The following MALRD1 variants were observed in gnomAD, a reference collection of about 807,000 sequenced individuals.
The protein encoded by MALRD1 is MAM and LDL-receptor class A domain-containing protein 1.
Under a neutral mutation model 242.1 loss-of-function variants are expected in MALRD1, and 247 were observed. The ratio of observed to expected loss-of-function variants is 1.02; its 90% CI spans 0.92 to 1.13. The LOEUF (loss-of-function observed/expected upper bound fraction) is 1.13, where lower values mean the gene tolerates loss of function less well. Among genes scored for constraint, MALRD1 ranks in the 50% most tolerant of loss-of-function variants. The pLI, the probability that MALRD1 is intolerant of heterozygous loss-of-function variation, is 0.00. For synonymous variants in MALRD1, 995 were observed against 866.6 expected (o/e 1.15, Z -2.60); for missense variants, 2,989 against 2,533.1 (o/e 1.18, Z -3.86).
At chr10:19,232,504 T>C (rs1838127365) in intron 18 of MALRD1, among the ~76,000 whole-genome samples, 1 of 152,024 alleles carries the variant, frequency 6.6e-6, no homozygotes, top group African/African-American at 2.4e-5. Context: ...ACTACTAACC[T>C]AAATTATTTT....
intron 33 of MALRD1, among the ~76,000 whole-genome samples, chr10:19,588,181 A>G (rs961618531): frequency 1.1e-4 from 16 of 152,220 alleles, no homozygotes; most frequent in East Asian, 9.7e-4. Context: ...CAATTTCTAT[A>G]TTGTTGATCT....
chr10:19,305,502 A>G (rs1310161556), intron 21 of MALRD1, among the ~76,000 whole-genome samples: 2 of 151,414 alleles, frequency 1.3e-5, no homozygotes, highest in East Asian at 3.9e-4. Context: ...AAAGCTAAAT[A>G]AAAGTATTGC....
chr10:19,357,496 T>C (rs1844690175), intron 26 of MALRD1, among the ~76,000 whole-genome samples: 2 of 152,200 alleles, frequency 1.3e-5, no homozygotes, highest in Admixed American at 6.5e-5. Flanking sequence ...ACGTTTCTTT[T>C]ATTTGCTTTG....
chr10:19,195,973 A>T (rs568857627), intron 14 of MALRD1, among the ~76,000 whole-genome samples: 1 of 152,144 alleles, frequency 6.6e-6, no homozygotes, highest in Non-Finnish European at 1.5e-5. Context: ...ATGATCTGAC[A>T]TACTATTTCA....
chr10:19,087,819 C>G (rs998601926), intron 2 of MALRD1, 21 bp from the exon 3 acceptor site: 3 of 1,190,510 alleles, frequency 2.5e-6, no homozygotes, highest in East Asian at 3.2e-5. Flanking sequence ...TTTTTTGTAC[C>G]CTGTCTCTTC....
At chr10:19,202,163 T>A (rs1422046794) in intron 14 of MALRD1, among the ~76,000 whole-genome samples, 1 of 152,126 alleles carries the variant, frequency 6.6e-6, no homozygotes, top group African/African-American at 2.4e-5. Flanking sequence ...TTCGCTTGTT[T>A]CTAATTGTCT....
Position 19,101,585 on chromosome 10 carries a change from G to A in MALRD1, c.598-2394G>A, listed in dbSNP as rs369659059. Among the ~76,000 whole-genome samples the A allele has an allele frequency of 1.3e-3, 175 of 131,698 alleles. 5 individuals carry two copies. The East Asian group carries it at 0.039, about 29-fold the overall frequency. The allele number at this position is 131,698 out of a possible 152,430, so 86.4% of individuals were successfully genotyped here. A position where few individuals can be genotyped will look rare whatever the true frequency, so the allele number is the denominator to read the frequency against. On this transcript the variant is annotated intron_variant, in intron 4 of 39. Transcript: ENST00000454679. ...ATGTATATTGTATTATATATAATCT[G>A]TATATATAATACATAATTTTATGTA...
At chr10:19,466,799 A>G (rs1836235928) in intron 29 of MALRD1, among the ~76,000 whole-genome samples, 1 of 152,164 alleles carries the variant, frequency 6.6e-6, no homozygotes, top group Non-Finnish European at 1.5e-5. Context: ...TGTTTCATAT[A>G]CATCTATGCA....
chr10:19,567,713 T>C lies in MALRD1; in HGVS notation c.5680+10T>C. Reference sequence around the variant, plus strand: ...GAGTGTGTGACTGGAGGTAAGTGATTCTTTCAGAAAATGGGAATAAGTATT... The same window carrying C: ...GAGTGTGTGACTGGAGGTAAGTGATCCTTTCAGAAAATGGGAATAAGTATT... On this transcript the variant is annotated intron_variant, in intron 33 of 39. Coordinates refer to ENST00000454679, the MANE Select transcript of MALRD1 (RefSeq NM_001142308.3). The C allele has an allele frequency of 6.5e-7, 1 of 1,548,176 alleles. No homozygotes were observed. The highest frequency in any genetic ancestry group is 2.0e-5 in the Admixed American group (1 of 50,970).
chr10:19,430,622 A>G (rs990170007), intron 28 of MALRD1, among the ~76,000 whole-genome samples: 1 of 152,036 alleles, frequency 6.6e-6, no homozygotes, highest in Non-Finnish European at 1.5e-5. Context: ...CTTGCCTTTT[A>G]TCTGTGAGCT....
chr10:19,457,431 C>A (rs1384829614), intron 29 of MALRD1, among the ~76,000 whole-genome samples: 1 of 152,048 alleles, frequency 6.6e-6, no homozygotes, highest in Admixed American at 6.6e-5. Context: ...CATCATTAAG[C>A]TGGTCCCCCA....
At chr10:19,171,457 T>TATATATACACACACAC (rs1166665866) in intron 13 of MALRD1, among the ~76,000 whole-genome samples, 2 of 74,556 alleles carry the variant, frequency 2.7e-5, no homozygotes, top group African/African-American at 8.4e-5. Context: ...TATATATATA[T>TATATATACACACACAC]ACACACATGT....
chr10:19,585,995 C>G (rs1243466264), intron 33 of MALRD1, among the ~76,000 whole-genome samples: 1 of 152,190 alleles, frequency 6.6e-6, no homozygotes, highest in East Asian at 1.9e-4. Flanking sequence ...ATCGCTGATA[C>G]CCTTTCTTCC....
intron 28 of MALRD1, among the ~76,000 whole-genome samples, chr10:19,410,545 T>G (rs927663958): frequency 6.6e-6 from 1 of 152,174 alleles, no homozygotes; most frequent in African/African-American, 2.4e-5. Context: ...CAGCTAAGTG[T>G]GAACATTGTG....
chr10:19,345,553 T>C (rs1844078787), intron 24 of MALRD1, among the ~76,000 whole-genome samples: 1 of 151,596 alleles, frequency 6.6e-6, no homozygotes, highest in Non-Finnish European at 1.5e-5. Flanking sequence ...TTATAGTCTA[T>C]TCTAGGAAAA....
At chr10:19,609,580 C>T (rs1435259662) in intron 35 of MALRD1, among the ~76,000 whole-genome samples, 1 of 152,028 alleles carries the variant, frequency 6.6e-6, no homozygotes, top group Non-Finnish European at 1.5e-5. Context: ...CACTATCTGG[C>T]CTCACCTACC....
intron 21 of MALRD1, among the ~76,000 whole-genome samples, chr10:19,285,220 G>A (rs1841047915): frequency 6.9e-6 from 1 of 144,072 alleles, no homozygotes; most frequent in South Asian, 2.3e-4. Context: ...CACTCTGATG[G>A]TAGTTTCTTT....
intron 26 of MALRD1, among the ~76,000 whole-genome samples, chr10:19,381,872 A>G (rs934158035): frequency 2.0e-5 from 3 of 151,946 alleles, no homozygotes; most frequent in Non-Finnish European, 2.9e-5. Context: ...ATTATCATTA[A>G]TATTATAGAA....
intron 19 of MALRD1, among the ~76,000 whole-genome samples, chr10:19,264,456 C>CTTTTTTTTTTTTTT (rs1261988988): frequency 9.0e-6 from 1 of 111,624 alleles, no homozygotes; most frequent in Non-Finnish European, 1.8e-5. Flanking sequence ...TTTTCTTTTT[C>CTTTTTTTTTTTTTT]TTTTTTTTTT....
Sources: allele counts gnomAD v4.1 joint callset (sites outside exome capture counted in the v4.1 genomes callset), GRCh38; gene constraint gnomAD v4.1.1; transcripts MANE v1.5; gene names NCBI Gene and HGNC (gene_info 2026-07-23, HGNC 2026-07-21).